TNRC6C: variants seen among roughly 807,000 people sequenced by gnomAD.
The protein encoded by TNRC6C is trinucleotide repeat containing adaptor 6C, also known as trinucleotide repeat-containing gene 6C protein.
In TNRC6C, 20 loss-of-function variants were observed where a neutral mutation model predicts 153.7. That is an observed-to-expected ratio of 0.13 (90% CI 0.09 to 0.19). The LOEUF is 0.19. TNRC6C is among the 10% of genes least tolerant of loss of function. The probability of loss-of-function intolerance (pLI) is 1.00; values close to 1 mark genes in which losing one functional copy is unlikely to be tolerated. For synonymous variants in TNRC6C, 811 were observed against 841.4 expected, an observed-to-expected ratio of 0.96 and a Z score of 0.63; for missense variants, 1,987 against 2,172.0, an observed-to-expected ratio of 0.91 and a Z score of 1.69.
chr17:77,995,307 A>G (rs943400377), intron 1 of TNRC6C, among the ~76,000 whole-genome samples: 11 of 152,324 alleles, frequency 7.2e-5, no homozygotes, highest in Admixed American at 5.2e-4. Context: ...GGGTGGCGAC[A>G]TGGCTGGAGT....
chr17:77,986,107 A>G (rs1408365923), intron 1 of TNRC6C, among the ~76,000 whole-genome samples: 1 of 152,190 alleles, frequency 6.6e-6, no homozygotes, highest in Non-Finnish European at 1.5e-5. Context: ...TGAGCTTAAC[A>G]TGTACAGGAA....
At chr17:77,970,353 C>T (rs2070930906) in intron 1 of TNRC6C, among the ~76,000 whole-genome samples, 1 of 152,164 alleles carries the variant, frequency 6.6e-6, no homozygotes, top group Non-Finnish European at 1.5e-5. Flanking sequence ...TCAAGCAGTC[C>T]TCCCACTTCA....
chr17:78,104,834 G>T lies in TNRC6C; in HGVS notation c.5062G>T (p.Glu1688Ter). The change falls in exon 20 of 20, where the codon GAG (glutamate) becomes TAG (stop). Residue 1688 changes from glutamate to a stop codon, truncating the protein, a stop_gained. Transcript: ENST00000301624. LOFTEE classifies it high-confidence loss of function. This position sits in a 1 kb window ranked among gnomAD's most constrained non-coding sequence, Gnocchi z 6.2. ...GCTGCCTGGGGACCTGCTCAGCGGG[G>T]AGTCCCTGTAGGCTCTGCCATCATC... The T allele has an allele frequency of 7.0e-7, 1 of 1,438,132 alleles. No homozygotes were observed. The highest frequency in any genetic ancestry group is 9.1e-7 in the Non-Finnish European group (1 of 1,098,386). 89.1% of individuals were successfully genotyped at this position (1,438,132 alleles called of 1,614,324 possible). A position where few individuals can be genotyped will look rare whatever the true frequency, so the allele number is the denominator to read the frequency against.
At chr17:78,048,512 T>C (rs548789952) in intron 2 of TNRC6C, among the ~76,000 whole-genome samples, 15 of 152,356 alleles carry the variant, frequency 9.8e-5, no homozygotes, top group African/African-American at 3.4e-4. Flanking sequence ...TCTGTATTTA[T>C]AGGAGTTGCA....
At chr17:78,006,561 C>CTTCTTCTTCTT (rs1368496759) in intron 1 of TNRC6C, among the ~76,000 whole-genome samples, 1 of 112,054 alleles carries the variant, frequency 8.9e-6, no homozygotes, top group Non-Finnish European at 1.8e-5. Flanking sequence ...TCTTCTTCTT[C>CTTCTTCTTCTT]CTTCTTCCTT....
rs191425199 is a variant in TNRC6C, at chr17:78,069,602, T to C, written c.2779-1483T>C. Among the ~76,000 whole-genome samples, 637 of 152,304 alleles carry C rather than the reference T, an allele frequency of 4.2e-3. 3 individuals carry two copies. The highest frequency in any genetic ancestry group is 7.1e-3 in the Non-Finnish European group (482 of 68,016). On this transcript the variant is annotated intron_variant, in intron 5 of 19. Coordinates refer to ENST00000301624, the Ensembl canonical transcript of TNRC6C. ...ACAGAGTCTCACTTTGTGGCATTTATACAGTTTTGTATTGCAGCATTTTTG... is the reference window on the plus strand; with the variant it reads ...ACAGAGTCTCACTTTGTGGCATTTACACAGTTTTGTATTGCAGCATTTTTG...
At position 78,104,394 on chromosome 17, in the gene TNRC6C, T is replaced by C; in HGVS notation, c.4713-91T>C. ...CAGAAGCCACAGGATGGCTTCCATG[T>C]GGGGCCGTTCCCAATACAGAGAAAG... is the stretch of plus-strand genomic sequence containing the variant. On this transcript the variant is annotated intron_variant, in intron 19 of 19. Transcript: ENST00000301624. This position sits in a 1 kb window ranked among gnomAD's most constrained non-coding sequence, Gnocchi z 6.2. 21 of 1,404,748 alleles carry C rather than the reference T, an allele frequency of 1.5e-5. No individual in the cohort carries two copies. The highest frequency in any genetic ancestry group is 1.9e-5 in the Non-Finnish European group (20 of 1,077,790). 87.0% of individuals were successfully genotyped at this position (1,404,748 alleles called of 1,614,324 possible).
chr17:78,061,271 C>T (rs1346894109), intron 3 of TNRC6C, among the ~76,000 whole-genome samples: 2 of 152,110 alleles, frequency 1.3e-5, no homozygotes, highest in Admixed American at 1.3e-4. Context: ...AAAAGAATCC[C>T]TATAAATTAT....
chr17:77,998,532 G>C (rs2071363833), intron 1 of TNRC6C, among the ~76,000 whole-genome samples: 1 of 151,868 alleles, frequency 6.6e-6, no homozygotes, highest in Admixed American at 6.6e-5. Flanking sequence ...CAGTCTCTTT[G>C]TTTTCCAAAT....
chr17:77,968,328 G>A (rs2070914689), intron 1 of TNRC6C, among the ~76,000 whole-genome samples: 1 of 151,590 alleles, frequency 6.6e-6, no homozygotes, highest in Non-Finnish European at 1.5e-5. Flanking sequence ...CACCGCGCCT[G>A]GCTGAGATGT....
At chr17:78,046,918 C>A (rs1056332637) in intron 2 of TNRC6C, among the ~76,000 whole-genome samples, 1 of 152,116 alleles carries the variant, frequency 6.6e-6, no homozygotes, top group Non-Finnish European at 1.5e-5. Context: ...CAAAGTAGAC[C>A]ATTAACAAAG....
At chr17:78,039,122 A>G (rs1229727036) in intron 2 of TNRC6C, among the ~76,000 whole-genome samples, 1 of 152,214 alleles carries the variant, frequency 6.6e-6, no homozygotes, top group Non-Finnish European at 1.5e-5. Flanking sequence ...ACGTGTCGAG[A>G]GGCAGTAGGG....
chr17:78,067,694 A>C lies in TNRC6C; in HGVS notation c.2612-63A>C, dbSNP rs2072909421. 8.1e-6 allele frequency: 12 copies of C among 1,486,238 alleles called. No homozygotes were observed. In the South Asian group the frequency reaches 1.7e-4, roughly 21 times the overall value. 92.1% of individuals were successfully genotyped at this position (1,486,238 alleles called of 1,614,324 possible). ...CCACGACCCCTAAATTATATGTTAC[A>C]GTGGAAGCATTGTCTGCGTTAGGGA... On this transcript the variant is annotated intron_variant, in intron 4 of 19. Transcript: ENST00000301624.
exon 20 of TNRC6C, chr17:78,107,900 TG>T (rs2073730806): frequency 6.6e-6 from 1 of 152,276 alleles, no homozygotes; most frequent in South Asian, 2.1e-4. Context: ...AGACATTTTA[TG>T]CATCTATTTT....
intron 1 of TNRC6C, among the ~76,000 whole-genome samples, chr17:78,022,069 C>T (rs1310435805): frequency 6.6e-6 from 1 of 152,188 alleles, no homozygotes; most frequent in Non-Finnish European, 1.5e-5. Context: ...GTGAGACTCT[C>T]ACCAAGGTCA....
chr17:77,998,710 A>C (rs1598663897), intron 1 of TNRC6C, among the ~76,000 whole-genome samples: 1 of 152,356 alleles, frequency 6.6e-6, no homozygotes, highest in South Asian at 2.1e-4. Flanking sequence ...GCATAGTTAT[A>C]ATAACTGCTT....
At chr17:78,002,134 A>C (rs764880604), upstream of TNRC6C, among the ~76,000 whole-genome samples, 37 of 152,150 alleles carry the variant, frequency 2.4e-4, no homozygotes, top group Non-Finnish European at 4.4e-4. Context: ...CCAAGTTTAT[A>C]ATTTCACTGT....
chr17:77,974,280 A>G (rs983457338), intron 1 of TNRC6C, among the ~76,000 whole-genome samples: 2 of 152,176 alleles, frequency 1.3e-5, no homozygotes, highest in African/African-American at 2.4e-5. Flanking sequence ...AAGATATACA[A>G]ATAGCTGATA....
At chr17:78,040,621 C>T (rs1205415779) in intron 2 of TNRC6C, among the ~76,000 whole-genome samples, 1 of 152,104 alleles carries the variant, frequency 6.6e-6, no homozygotes, top group Non-Finnish European at 1.5e-5. Context: ...ATGAGAGAGC[C>T]GCAGTTTATT....
Sources: gnomAD v4.1 joint callset for allele counts (sites outside exome capture counted in the v4.1 genomes callset) on GRCh38, gnomAD v4.1.1 for gene constraint, Gnocchi (gnomAD v3.1) non-coding constraint, MANE v1.5 for transcripts, NCBI Gene and HGNC (gene_info 2026-07-23, HGNC 2026-07-21) for gene names.